SRRM1: variants seen among roughly 807,000 people sequenced by gnomAD.
SRRM1 encodes the protein serine/arginine repetitive matrix protein 1.
Under a neutral mutation model 110.2 loss-of-function variants are expected in SRRM1, and 19 were observed. The observed-to-expected ratio is 0.17, with a 90% CI of 0.12 to 0.25. The LOEUF is 0.25. Among genes scored for constraint, SRRM1 ranks in the 10% least tolerant of loss-of-function variants. The pLI, the probability that SRRM1 is intolerant of heterozygous loss-of-function variation, is 1.00. For synonymous variants in SRRM1, 443 were observed against 414.9 expected, an observed-to-expected ratio of 1.07 and a Z score of -0.82; for missense variants, 918 against 1,145.8, an observed-to-expected ratio of 0.80 and a Z score of 2.87.
chr1:24,655,753 C>T (rs1249206715), intron 9 of SRRM1, among the ~76,000 whole-genome samples: 3 of 152,090 alleles, frequency 2.0e-5, no homozygotes, highest in Non-Finnish European at 4.4e-5. Context: ...GTTCTGTGAG[C>T]ATTAAATACG....
intron 5 of SRRM1, among the ~76,000 whole-genome samples, chr1:24,651,134 T>A (rs534507828): frequency 6.6e-6 from 1 of 152,328 alleles, no homozygotes; most frequent in Admixed American, 6.5e-5. Flanking sequence ...GAAAAGTTGG[T>A]CTTTTGATCT....
intron 8 of SRRM1, chr1:24,654,217 C>T (rs922992850): frequency 9.6e-7 from 1 of 1,039,704 alleles, no homozygotes; most frequent in African/African-American, 1.7e-5. Flanking sequence ...CTTACTCAGC[C>T]ATTTAGCAGT....
intron 4 of SRRM1, among the ~76,000 whole-genome samples, chr1:24,649,673 A>G (rs1200830708): frequency 2.0e-5 from 3 of 151,996 alleles, no homozygotes; most frequent in African/African-American, 7.3e-5. Flanking sequence ...TGTGAAAGTG[A>G]TTTTCTTTTT....
At chr1:24,662,994 A>G in intron 12 of SRRM1, 190 bp downstream of exon 12, 1 of 986,996 alleles carries the variant, frequency 1.0e-6, no homozygotes, top group Non-Finnish European at 1.5e-6. Context: ...TTAATTTAGA[A>G]TTGGTAAATT....
rs761577679 is a variant in SRRM1 at position 24,643,309 on chromosome 1, T to C, written c.-18T>C. The stretch of plus-strand genomic sequence containing the variant: ...GTGTACCCTGGGATAGGGAGCGATC[T>C]CCGAGCGAGGCGGCAAGATGGACGC... On this transcript the variant is annotated 5_prime_UTR_variant, in exon 1 of 17. Transcript: ENST00000323848. The C allele has an allele frequency of 1.9e-6, 3 of 1,565,274 alleles. No individual in the cohort carries two copies. Among genetic ancestry groups the C allele is most frequent in the Non-Finnish European group, 2.6e-6 (3 of 1,160,128 alleles).
rs1557760007 is a variant in SRRM1, at chr1:24,671,606, A to G, written c.2610+11A>G. The G allele has an allele frequency of 1.3e-6, 2 of 1,580,774 alleles. No homozygotes were observed. Among genetic ancestry groups the G allele is most frequent in the Non-Finnish European group, 1.7e-6 (2 of 1,168,912 alleles). ...CCAGAGCCGAAGAAGGTATTTATGA[A>G]CTCTGTATATGGCTGTCTTGCAGTT... On this transcript the variant is annotated intron_variant, in intron 16 of 16. Transcript: ENST00000323848.
At chr1:24,654,523 A>G (rs529838959) in intron 8 of SRRM1, among the ~76,000 whole-genome samples, 1 of 152,324 alleles carries the variant, frequency 6.6e-6, no homozygotes, top group Admixed American at 6.5e-5. Flanking sequence ...CAAATTTTAT[A>G]TGCAAACTCC....
chr1:24,664,833 A>T (rs987347871), intron 12 of SRRM1, among the ~76,000 whole-genome samples: 1 of 152,168 alleles, frequency 6.6e-6, no homozygotes, highest in African/African-American at 2.4e-5. Flanking sequence ...ATTGCTTTAC[A>T]GAGTTAGATT....
intron 7 of SRRM1, 124 bp from the exon 8 acceptor site, chr1:24,652,789 A>T: frequency 7.2e-7 from 1 of 1,382,156 alleles, no homozygotes; most frequent in Non-Finnish European, 9.7e-7. Context: ...TACCATAAAA[A>T]TCTACATAAA....
chr1:24,673,276 C>G lies in SRRM1; in HGVS notation c.*990C>G, dbSNP rs974812488. On this transcript the variant is annotated 3_prime_UTR_variant, in exon 17 of 17. Coordinates refer to ENST00000323848, the MANE Select transcript of SRRM1 (RefSeq NM_005839.4). ...ATTTCTAAATTTAAAAATTTTGCCA[C>G]TCTTACTTAGTAGTGCTTATGTAAA... 2.0e-5 allele frequency: 3 copies of G among 150,966 alleles called. No individual in the cohort carries two copies. Among genetic ancestry groups the G allele is most frequent in the Non-Finnish European group, 3.0e-5 (2 of 67,776 alleles). The allele number at this position is 150,966 out of a possible 1,614,324, so 9.4% of individuals were successfully genotyped here.
At chr1:24,651,863 C>T (rs1338729106) in intron 6 of SRRM1, among the ~76,000 whole-genome samples, 2 of 150,582 alleles carry the variant, frequency 1.3e-5, no homozygotes, top group African/African-American at 2.4e-5. Context: ...TTTTCCTCAA[C>T]GTATTGTGGA....
Position 24,651,503 on chromosome 1 carries a change from A to G in SRRM1, c.616A>G (p.Lys206Glu), listed in dbSNP as rs1660649836. Residue 206 changes from lysine to glutamate, a missense_variant, in exon 6 of 17, where the codon AAG becomes GAG. Physicochemically the swap from Lys to Glu is moderately conservative, Grantham distance 56. This residue lies in a region of SRRM1 where 456 missense variants were observed against 453.5 expected (regional missense o/e 1.01). Transcript: ENST00000323848. Reference sequence around the variant, plus strand: ...TTCTCGATCTCCCCGTCACAGAACCAAGAGCCGGAGTCCTTCCCCTGCTCC... The same window carrying G: ...TTCTCGATCTCCCCGTCACAGAACCGAGAGCCGGAGTCCTTCCCCTGCTCC... ...SHSRSPRHRT[K>E]SRSPSPAPEK... The G allele has an allele frequency of 1.9e-6, 3 of 1,614,184 alleles. No individual in the cohort carries two copies. Among genetic ancestry groups the G allele is most frequent in the South Asian group, 2.2e-5 (2 of 91,086 alleles).
chr1:24,666,833 T>G lies in SRRM1; in HGVS notation c.1647T>G (p.Ser549Arg). ...ETSPRGRRRR[S>R]PSPPPTRRRR... ...GGTTTAGTGGTAGACGGAGGAGAAG[T>G]CCATCCCCACCACCCACCAGAAGGC... Residue 549 changes from serine (S) to arginine (R), a missense_variant, in exon 13 of 17, where the codon AGT becomes AGG. Ser to Arg is a moderately radical substitution (Grantham distance 110). Transcript: ENST00000323848. The G allele has an allele frequency of 6.2e-7, 1 of 1,612,892 alleles. No individual in the cohort carries two copies. The highest frequency in any genetic ancestry group is 8.5e-7 in the Non-Finnish European group (1 of 1,179,442).
chr1:24,671,898 G>C (rs1672926520), intron 16 of SRRM1, among the ~76,000 whole-genome samples: 1 of 149,512 alleles, frequency 6.7e-6, no homozygotes, highest in South Asian at 2.1e-4. Context: ...TTGTGAGGTT[G>C]GTTTTTTTTT....
At chr1:24,658,454 A>G (rs929147870) in intron 9 of SRRM1, among the ~76,000 whole-genome samples, 14 of 152,228 alleles carry the variant, frequency 9.2e-5, no homozygotes, top group African/African-American at 3.1e-4. Context: ...CCAGATGTGT[A>G]TTTCCACTGG....
Position 24,646,870 on chromosome 1 carries a change from G to A in SRRM1, c.234+81G>A, listed in dbSNP as rs1047036325. 6.9e-6 allele frequency: 8 copies of A among 1,158,584 alleles called. No individual in the cohort carries two copies. In the African/African-American group the frequency reaches 1.3e-4, roughly 19 times the overall value. 71.8% of individuals were successfully genotyped at this position (1,158,584 alleles called of 1,614,324 possible). ...TTGGAAACTGAATTTTTTCTATGGAGTGCAAATATAGAAGGGTTATTTTAC... is the reference window on the plus strand; with the variant it reads ...TTGGAAACTGAATTTTTTCTATGGAATGCAAATATAGAAGGGTTATTTTAC... On this transcript the variant is annotated intron_variant, in intron 3 of 16. Coordinates refer to ENST00000323848, the MANE Select transcript of SRRM1 (RefSeq NM_005839.4).
intron 6 of SRRM1, among the ~76,000 whole-genome samples, chr1:24,652,060 A>ATATATATATATATATATATATATATATT (rs1661213592): frequency 7.4e-6 from 1 of 135,156 alleles, no homozygotes; most frequent in African/African-American, 2.8e-5. Context: ...ATATATATAT[A>ATATATATATATATATATATATATATATT]TATGTACACA....
chr1:24,651,225 T>C (rs1660483667), intron 5 of SRRM1, among the ~76,000 whole-genome samples, 184 bp from the exon 6 acceptor site: 1 of 152,228 alleles, frequency 6.6e-6, no homozygotes, highest in Non-Finnish European at 1.5e-5. Context: ...GAGAATGTTA[T>C]CTTTCATTTG....
chr1:24,669,851 T>C, intron 14 of SRRM1: 1 of 559,866 alleles, frequency 1.8e-6, no homozygotes, highest in Non-Finnish European at 3.1e-6. Context: ...AGTAAGACAT[T>C]GAACATTTCT....
Sources: allele counts gnomAD v4.1 joint callset (sites outside exome capture counted in the v4.1 genomes callset), GRCh38; gene constraint gnomAD v4.1.1; regional missense constraint gnomAD v4.1.1; transcripts MANE v1.5; gene names NCBI Gene and HGNC (gene_info 2026-07-23, HGNC 2026-07-21).